The following TMEM260 variants were observed in gnomAD, a reference collection of about 807,000 sequenced individuals.
The protein encoded by TMEM260 is transmembrane protein 260.
In TMEM260, 82 loss-of-function variants were observed where a neutral mutation model predicts 88.9. That is an observed-to-expected ratio of 0.92 (90% CI 0.77 to 1.11). The LOEUF (loss-of-function observed/expected upper bound fraction) is 1.11, where lower values mean the gene tolerates loss of function less well. Among genes scored for constraint, TMEM260 ranks in the 50% least tolerant of loss-of-function variants. The pLI, the probability that TMEM260 is intolerant of heterozygous loss-of-function variation, is 0.00. For missense variants in TMEM260, 902 were observed against 853.4 expected, an observed-to-expected ratio of 1.06 and a Z score of -0.71; for synonymous variants, 314 against 309.3, an observed-to-expected ratio of 1.02 and a Z score of -0.16.
chr14:56,641,130 T>G (rs1455951856), intron 15 of TMEM260, among the ~76,000 whole-genome samples: 9 of 149,198 alleles, frequency 6.0e-5, no homozygotes, highest in African/African-American at 1.7e-4. Flanking sequence ...ACCTAGCAAG[T>G]CAGGCCAGCA....
intron 3 of TMEM260, among the ~76,000 whole-genome samples, chr14:56,594,474 G>A (rs575818008): frequency 2.6e-5 from 4 of 152,112 alleles, no homozygotes; most frequent in Non-Finnish European, 5.9e-5. Context: ...AAGCATATTT[G>A]TTCAAAAGAA....
At chr14:56,628,628 GA>G (rs894059230) in intron 12 of TMEM260, among the ~76,000 whole-genome samples, 17 of 151,598 alleles carry the variant, frequency 1.1e-4, no homozygotes, top group African/African-American at 3.4e-4. Flanking sequence ...CTATACAAAT[GA>G]AAAAAAATCT....
intron 3 of TMEM260, among the ~76,000 whole-genome samples, chr14:56,603,419 T>G (rs1886697508): frequency 6.6e-6 from 1 of 152,192 alleles, no homozygotes; most frequent in Non-Finnish European, 1.5e-5. Flanking sequence ...ATAAATATTT[T>G]TTCATTTCAT....
chr14:56,623,579 T>A (rs1216961580), intron 11 of TMEM260, among the ~76,000 whole-genome samples: 1 of 152,066 alleles, frequency 6.6e-6, no homozygotes, highest in Admixed American at 6.6e-5. Flanking sequence ...ATTGCATTAG[T>A]GAAAAAGAAG....
intron 12 of TMEM260, among the ~76,000 whole-genome samples, chr14:56,626,574 T>C (rs1157222608): frequency 2.6e-5 from 4 of 152,210 alleles, no homozygotes; most frequent in African/African-American, 9.6e-5. Flanking sequence ...AGTTCTATAC[T>C]ATCAATGCCT....
intron 10 of TMEM260, 104 bp downstream of exon 10, chr14:56,618,867 T>C (rs1887744214): frequency 9.5e-6 from 11 of 1,162,984 alleles, no homozygotes; most frequent in East Asian, 5.0e-5. Context: ...TTTTCAAGAC[T>C]CAAAGTGAGA....
intron 13 of TMEM260, 30 bp downstream of exon 13, chr14:56,633,201 A>G (rs763650517): frequency 6.4e-7 from 1 of 1,562,524 alleles, no homozygotes. Flanking sequence ...TTTGATGCAT[A>G]TAAACATAGC....
downstream of TMEM260, among the ~76,000 whole-genome samples, chr14:56,650,939 G>A (rs1348567458): frequency 6.6e-6 from 1 of 152,076 alleles, no homozygotes; most frequent in African/African-American, 2.4e-5. Context: ...ATCAACACAG[G>A]ATATTACTTA....
At chr14:56,632,064 A>AATT (rs2139623361) in intron 12 of TMEM260, among the ~76,000 whole-genome samples, 1 of 152,184 alleles carries the variant, frequency 6.6e-6, no homozygotes, top group African/African-American at 2.4e-5. Context: ...TCCTGTGGTT[A>AATT]ATTTTACGAA....
chr14:56,601,608 T>C (rs1431200066), intron 3 of TMEM260, among the ~76,000 whole-genome samples: 2 of 152,180 alleles, frequency 1.3e-5, no homozygotes, highest in Non-Finnish European at 2.9e-5. Flanking sequence ...TTGATTATTA[T>C]TAAGATGGCT....
downstream of TMEM260, among the ~76,000 whole-genome samples, chr14:56,653,689 C>T (rs150502482): frequency 2.6e-3 from 362 of 141,828 alleles, 4 homozygotes; most frequent in Non-Finnish European, 3.4e-3. Flanking sequence ...GAGCCGAGAT[C>T]GCGCCACTGC....
chr14:56,600,803 T>TG (rs1362931772), intron 3 of TMEM260, among the ~76,000 whole-genome samples: 1 of 152,176 alleles, frequency 6.6e-6, no homozygotes, highest in African/African-American at 2.4e-5. Context: ...CCTGTAGACT[T>TG]AGTTTGATTT....
At chr14:56,609,017 T>C in intron 5 of TMEM260, 89 bp from the exon 6 acceptor site, 1 of 1,315,540 alleles carries the variant, frequency 7.6e-7, no homozygotes, top group Non-Finnish European at 1.1e-6. Context: ...AGTAAACATA[T>C]TTGATGTTTT....
the TMEM260 span, among the ~76,000 whole-genome samples, chr14:56,660,110 A>G: frequency 2.6e-5 from 4 of 152,258 alleles, no homozygotes; most frequent in African/African-American, 9.6e-5. Context: ...TTAATTGGAA[A>G]TAATGCGACT....
Position 56,647,382 on chromosome 14 carries a change from A to G in TMEM260, c.2009A>G (p.His670Arg), listed in dbSNP as rs561851360. 1.7e-5 allele frequency: 28 copies of G among 1,614,212 alleles called. No individual in the cohort carries two copies. The East Asian group carries it at 5.6e-4, about 32-fold the overall frequency. Residue 670 changes from histidine to arginine, a missense_variant, in exon 16 of 16, where the codon CAT becomes CGT. By Grantham distance (29) the His-to-Arg change is conservative. Coordinates refer to ENST00000261556, the MANE Select transcript of TMEM260 (RefSeq NM_017799.4). ...PEVLLSETIRHFRLYSQKAPN... is the reference protein window; with the variant it reads ...PEVLLSETIRRFRLYSQKAPN... Reference sequence around the variant, plus strand: ...GTGCTGTTATCGGAAACCATCAGACATTTCCGTCTGTACTCTCAGAAAGCA... The same window carrying G: ...GTGCTGTTATCGGAAACCATCAGACGTTTCCGTCTGTACTCTCAGAAAGCA...
intron 15 of TMEM260, among the ~76,000 whole-genome samples, chr14:56,639,613 C>T (rs1889410558): frequency 6.6e-6 from 1 of 152,150 alleles, no homozygotes; most frequent in Non-Finnish European, 1.5e-5. Context: ...AACTGAGGTA[C>T]CGGGTTCATC....
rs1358777451 is a variant in TMEM260 at position 56,621,483 on chromosome 14, CTG to C, written c.1227-46_1227-45del. 2.1e-6 allele frequency: 3 copies of C among 1,430,574 alleles called. No individual in the cohort carries two copies. The South Asian group carries it at 4.1e-5, about 20-fold the overall frequency. 88.6% of individuals were successfully genotyped at this position (1,430,574 alleles called of 1,614,324 possible). ...GAAAATAAGCCTAGTCTTATTAAAA[CTG>C]TAGCAAAGTGTTGCTATTTTAATTT... is the stretch of plus-strand genomic sequence containing the variant. On this transcript the variant is annotated intron_variant, in intron 10 of 15. Transcript: ENST00000261556.
chr14:56,624,992 C>T (rs1888154198), intron 11 of TMEM260, among the ~76,000 whole-genome samples: 1 of 152,146 alleles, frequency 6.6e-6, no homozygotes, highest in Non-Finnish European at 1.5e-5. Context: ...GTGCAGTTCA[C>T]AATAGGTTCA....
In TMEM260 at chr14:56,599,567, TTC is replaced by T. The variant is rs369025225; in HGVS notation, c.345-4246_345-4245del. Among the ~76,000 whole-genome samples the T allele has an allele frequency of 1.6e-3, 241 of 152,350 alleles. 3 individuals are homozygous for T. The highest frequency in any genetic ancestry group is 5.5e-3 in the African/African-American group (227 of 41,594). On this transcript the variant is annotated intron_variant, in intron 3 of 15. Transcript: ENST00000261556. The stretch of plus-strand genomic sequence containing the variant: ...TACATGGCAAGTAACTGTTGATTGA[TTC>T]TGAGTCTTAGCATAAGGTAAACTTT...
Sources: gnomAD v4.1 joint callset for allele counts (sites outside exome capture counted in the v4.1 genomes callset) on GRCh38, gnomAD v4.1.1 for gene constraint, MANE v1.5 for transcripts, NCBI Gene and HGNC (gene_info 2026-07-23, HGNC 2026-07-21) for gene names.